Variants in SLC29A3 observed in about 807,000 individuals in gnomAD.
SLC29A3 encodes solute carrier family 29 member 3, also known as equilibrative nucleoside transporter 3.
A neutral mutation model predicts 25.4 loss-of-function variants in SLC29A3; 18 were observed. The observed-to-expected ratio is 0.71, with a 90% confidence interval of 0.49 to 1.05. The LOEUF is 1.05. Ranked by LOEUF, SLC29A3 falls within the 50% of genes least tolerant of loss-of-function variation. The pLI is 0.00. For synonymous variants in SLC29A3, 258 were observed against 267.1 expected (o/e 0.97, Z 0.33); for missense variants, 586 against 609.0 (o/e 0.96, Z 0.40).
chr10:71,328,844 G>T (rs1371390368), intron 2 of SLC29A3, among the ~76,000 whole-genome samples: 1 of 152,174 alleles, frequency 6.6e-6, no homozygotes, highest in Non-Finnish European at 1.5e-5. Flanking sequence ...GCAAGTGGGG[G>T]ACCTAGGGCA....
At chr10:71,373,022 G>A (rs1847223103) in intron 3 of SLC29A3, among the ~76,000 whole-genome samples, 1 of 152,196 alleles carries the variant, frequency 6.6e-6, no homozygotes, top group South Asian at 2.1e-4. Flanking sequence ...TCCTGTAACT[G>A]GGGAGCAGTG....
chr10:71,325,341 TC>T (rs1480383516), intron 2 of SLC29A3, among the ~76,000 whole-genome samples: 1 of 152,184 alleles, frequency 6.6e-6, no homozygotes, highest in African/African-American at 2.4e-5. Flanking sequence ...CTTTTGTAGT[TC>T]ATGAGTGTGA....
intron 3 of SLC29A3, among the ~76,000 whole-genome samples, chr10:71,344,967 T>A (rs537724523): frequency 6.6e-6 from 1 of 152,302 alleles, no homozygotes; most frequent in South Asian, 2.1e-4. Context: ...TACTAAAACC[T>A]GAGGTCACTG....
chr10:71,325,136 C>T (rs566626523), intron 2 of SLC29A3, among the ~76,000 whole-genome samples: 1 of 152,288 alleles, frequency 6.6e-6, no homozygotes, highest in South Asian at 2.1e-4. Context: ...CCGCACCTTC[C>T]AGTGGCCCAG....
intron 1 of SLC29A3, 61 bp downstream of exon 1, chr10:71,319,371 T>G: frequency 1.7e-6 from 1 of 601,284 alleles, no homozygotes; most frequent in South Asian, 1.8e-5. Flanking sequence ...AGACTCGCGC[T>G]CAGCGACCTC....
chr10:71,377,190 G>C (rs1847259009), intron 4 of SLC29A3, among the ~76,000 whole-genome samples: 1 of 152,238 alleles, frequency 6.6e-6, no homozygotes, highest in African/African-American at 2.4e-5. Context: ...TGGCACGGCA[G>C]GGGCTGATGG....
chr10:71,358,902 T>C (rs984376530), intron 5 of SLC29A3, among the ~76,000 whole-genome samples: 2 of 151,994 alleles, frequency 1.3e-5, no homozygotes, highest in Admixed American at 1.3e-4. Context: ...TGTAGACGCT[T>C]CTATTTCTTT....
intron 1 of SLC29A3, among the ~76,000 whole-genome samples, chr10:71,321,209 GA>G (rs950566808): frequency 6.6e-6 from 1 of 151,974 alleles, no homozygotes; most frequent in Non-Finnish European, 1.5e-5. Context: ...TTTTCCATCT[GA>G]AAAAAGGGGG....
intron 5 of SLC29A3, among the ~76,000 whole-genome samples, chr10:71,359,999 A>G (rs1589242922): frequency 6.6e-6 from 1 of 152,182 alleles, no homozygotes; most frequent in South Asian, 2.1e-4. Flanking sequence ...TTCAGTGTTG[A>G]GGATAAGGAA....
At chr10:71,326,716 G>A (rs561073267) in intron 2 of SLC29A3, among the ~76,000 whole-genome samples, 1 of 152,204 alleles carries the variant, frequency 6.6e-6, no homozygotes, top group African/African-American at 2.4e-5. Flanking sequence ...ACCGCAAGGC[G>A]ATCCCTTCCC....
intron 4 of SLC29A3, among the ~76,000 whole-genome samples, chr10:71,353,928 AAGAG>A (rs545895361): frequency 6.6e-6 from 1 of 152,136 alleles, no homozygotes; most frequent in Non-Finnish European, 1.5e-5. Flanking sequence ...ACAAGTTGGA[AAGAG>A]AGAGAGGAAA....
In SLC29A3 at chr10:71,351,789, G is replaced by A. The variant is rs1166563034; in HGVS notation, c.610+1G>A. 30 of 1,609,038 alleles carry A rather than the reference G, an allele frequency of 1.9e-5. No individual in the cohort carries two copies. Among genetic ancestry groups the A allele is most frequent in the Non-Finnish European group, 2.4e-5 (28 of 1,178,648 alleles). On this transcript the variant is annotated splice_donor_variant, in intron 4 of 5. Coordinates refer to ENST00000373189, the MANE Select transcript of SLC29A3 (RefSeq NM_018344.6). LOFTEE classifies it high-confidence loss of function. The stretch of plus-strand genomic sequence containing the variant: ...AGGAACTCCCAGGCACTGATATCAG[G>A]TGAGAGCCAGGGTCCGGGCAGCTGA...
exon 5 of SLC29A3, chr10:71,380,055 G>A (rs570419378): frequency 6.6e-6 from 1 of 152,350 alleles, no homozygotes; most frequent in East Asian, 1.9e-4. Context: ...TAGAAGGGAT[G>A]GGGAGGAGCG....
chr10:71,334,956 CTT>C (rs59654006), intron 2 of SLC29A3, among the ~76,000 whole-genome samples: 14,538 of 129,162 alleles, frequency 0.11, 437 homozygotes, highest in East Asian at 0.16. Context: ...CTTTTTTTTT[CTT>C]TTTTTTTTTT....
downstream of SLC29A3, among the ~76,000 whole-genome samples, chr10:71,368,315 A>G (rs1196368733): frequency 6.6e-6 from 1 of 152,236 alleles, no homozygotes; most frequent in African/African-American, 2.4e-5. Flanking sequence ...TATGCAAAGT[A>G]TCTGGCATAT....
At chr10:71,367,826 C>T (rs1182212586), downstream of SLC29A3, among the ~76,000 whole-genome samples, 1 of 152,214 alleles carries the variant, frequency 6.6e-6, no homozygotes, top group Non-Finnish European at 1.5e-5. Flanking sequence ...AAGGAATTAA[C>T]AGTCACAGGA....
In SLC29A3 at chr10:71,359,213, C is replaced by T. The variant is rs375723877; in HGVS notation, c.774-2741C>T. Among the ~76,000 whole-genome samples, 11 of 152,236 alleles carry T rather than the reference C, an allele frequency of 7.2e-5. 1 individual carries two copies. Among genetic ancestry groups the T allele is most frequent in the African/African-American group, 2.2e-4 (9 of 41,558 alleles). ...CAGGCACGAGCCACTGTGCCTGGACCGAAGCTTCTGTTTCTTTGCTGATTA... is the reference window on the plus strand; with the variant it reads ...CAGGCACGAGCCACTGTGCCTGGACTGAAGCTTCTGTTTCTTTGCTGATTA... On this transcript the variant is annotated intron_variant, in intron 5 of 5. Transcript: ENST00000373189.
chr10:71,351,444 G>A, intron 3 of SLC29A3, 118 bp from the exon 4 acceptor site: 1 of 822,998 alleles, frequency 1.2e-6, no homozygotes. Flanking sequence ...CCTCTTGACT[G>A]CAGAGTGAAC....
downstream of SLC29A3, chr10:71,363,406 CT>C (rs1847122014): frequency 4.5e-6 from 2 of 445,296 alleles, no homozygotes; most frequent in South Asian, 3.2e-5. Context: ...ATTGATGTCT[CT>C]GTTAGAGTCT....
Sources: allele counts gnomAD v4.1 joint callset (sites outside exome capture counted in the v4.1 genomes callset), GRCh38; gene constraint gnomAD v4.1.1; transcripts MANE v1.5; gene names NCBI Gene and HGNC (gene_info 2026-07-23, HGNC 2026-07-21).